Variants in VPS13B observed in about 807,000 individuals in gnomAD.
The protein encoded by VPS13B is vacuolar protein sorting 13 homolog B.
In VPS13B, 285 loss-of-function variants were observed where a neutral mutation model predicts 426.4. That is an observed-to-expected ratio of 0.67 (90% CI 0.61 to 0.74). The LOEUF is 0.74. Ranked by LOEUF, VPS13B falls within the 30% of genes least tolerant of loss-of-function variation. VPS13B has a pLI of 0.00. For synonymous variants in VPS13B, 1,676 were observed against 1,676.4 expected (o/e 1.00, Z 0.01); for missense variants, 4,537 against 4,782.6 (o/e 0.95, Z 1.51).
intron 34 of VPS13B, among the ~76,000 whole-genome samples, chr8:99,654,375 G>T (rs1389414669): frequency 3.3e-5 from 5 of 152,134 alleles, no homozygotes; most frequent in Non-Finnish European, 5.9e-5. Flanking sequence ...ATGTTTAATG[G>T]ATCTAGATTC....
chr8:99,861,652 C>T (rs1461016442), intron 57 of VPS13B, 124 bp from the exon 58 acceptor site: 28 of 1,283,886 alleles, frequency 2.2e-5, no homozygotes, highest in Non-Finnish European at 2.4e-5. Context: ...GAGGGAGCCA[C>T]CATCACTTGC....
rs1824813399 is a variant in VPS13B, at chr8:99,559,963, TGGG to T, written c.4949+3312_4949+3314del. ...GTGAAGAAAGTCATTGGTAGCTTGA[TGGG>T]GATGGCATTGAATCTATAAATTACC... On this transcript the variant is annotated intron_variant, in intron 31 of 61. Transcript: ENST00000357162. Among the ~76,000 whole-genome samples, 4 of 152,320 alleles carry T rather than the reference TGGG, an allele frequency of 2.6e-5. No homozygotes were observed. The South Asian group carries it at 8.3e-4, about 32-fold the overall frequency.
At chr8:99,673,624 A>G (rs1487030115) in intron 35 of VPS13B, among the ~76,000 whole-genome samples, 3 of 150,668 alleles carry the variant, frequency 2.0e-5, no homozygotes, top group South Asian at 2.1e-4. Context: ...TCTTTATTTT[A>G]TTTCCCTCCT....
At chr8:99,686,051 G>A (rs1257898013) in intron 35 of VPS13B, among the ~76,000 whole-genome samples, 1 of 152,166 alleles carries the variant, frequency 6.6e-6, no homozygotes, top group Non-Finnish European at 1.5e-5. Flanking sequence ...TTTGGTCACT[G>A]CAGCCATATC....
rs1039207228 is a variant in VPS13B at position 99,490,518 on chromosome 8, A to G, written c.3870+8716A>G. Among the ~76,000 whole-genome samples, 2 of 152,128 alleles carry G rather than the reference A, an allele frequency of 1.3e-5. 1 individual carries two copies. The highest frequency in any genetic ancestry group is 4.1e-4 in the South Asian group (2 of 4,824). ...TACCTCTGGTAGAATTCGGCTGTGTATCCATCTGGTCCTGGACTTTTTTTG... is the reference window on the plus strand; with the variant it reads ...TACCTCTGGTAGAATTCGGCTGTGTGTCCATCTGGTCCTGGACTTTTTTTG... On this transcript the variant is annotated intron_variant, in intron 25 of 61. Transcript: ENST00000357162.
chr8:99,665,013 A>G (rs536364438), intron 35 of VPS13B, among the ~76,000 whole-genome samples: 1 of 152,230 alleles, frequency 6.6e-6, no homozygotes, highest in South Asian at 2.1e-4. Context: ...CACCATTCTA[A>G]CTGGTGTGGG....
chr8:99,253,453 G>A (rs935927308), intron 17 of VPS13B, among the ~76,000 whole-genome samples: 2 of 152,130 alleles, frequency 1.3e-5, no homozygotes, highest in African/African-American at 2.4e-5. Flanking sequence ...AGCAATGTAT[G>A]AGGGTTTCAA....
At chr8:99,342,146 T>C (rs1462383491) in intron 19 of VPS13B, among the ~76,000 whole-genome samples, 47 of 152,236 alleles carry the variant, frequency 3.1e-4, no homozygotes, top group Admixed American at 3.1e-3. Flanking sequence ...TATACATATA[T>C]GGGGTATAGC....
chr8:99,121,846 CTTTTTT>C (rs34151287), intron 8 of VPS13B: 6 of 112,318 alleles, frequency 5.3e-5, no homozygotes, highest in Non-Finnish European at 1.0e-4. Flanking sequence ...CTCTCTCTCT[CTTTTTT>C]TTTTTTTTTT....
At chr8:99,639,377 C>T (rs934128239) in intron 33 of VPS13B, among the ~76,000 whole-genome samples, 2 of 152,026 alleles carry the variant, frequency 1.3e-5, no homozygotes, top group Non-Finnish European at 1.5e-5. Flanking sequence ...AAATGTTCAT[C>T]GGCTACAGCA....
At chr8:99,177,627 T>G (rs570164127) in intron 16 of VPS13B, among the ~76,000 whole-genome samples, 8 of 152,332 alleles carry the variant, frequency 5.3e-5, no homozygotes, top group African/African-American at 1.7e-4. Flanking sequence ...AATTTGATAT[T>G]TTCCACATGG....
intron 31 of VPS13B, among the ~76,000 whole-genome samples, chr8:99,564,944 A>G (rs997479882): frequency 6.6e-6 from 1 of 152,130 alleles, no homozygotes; most frequent in African/African-American, 2.4e-5. Context: ...TCTTAGCAAC[A>G]TTTTTGCTAC....
At position 99,147,936 on chromosome 8, in the gene VPS13B, A is replaced by G; in HGVS notation, c.1939A>G (p.Lys647Glu). 1 of 1,613,914 alleles carries G rather than the reference A, an allele frequency of 6.2e-7. No homozygotes were observed. Among genetic ancestry groups the G allele is most frequent in the Non-Finnish European group, 8.5e-7 (1 of 1,179,890 alleles). The change falls in exon 14 of 62, where the codon AAA (lysine) becomes GAA (glutamate). Residue 647 changes from lysine to glutamate, a missense_variant. By Grantham distance (56) the Lys-to-Glu change is moderately conservative. Around this residue, in one of 2 missense-constraint regions of VPS13B, gnomAD observed 4,311 missense variants for 4,474.3 expected, o/e 0.96. Coordinates refer to ENST00000357162, the MANE Select transcript of VPS13B (RefSeq NM_152564.5). ...PTRHTSVTLL[K>E]CTCTISMAEF... ...TCGACATACAAGTGTTACTCTCCTC[A>G]AATGTACCTGCACAATTTCCATGGC...
chr8:99,761,012 C>G (rs1810901824), intron 39 of VPS13B, among the ~76,000 whole-genome samples: 1 of 152,096 alleles, frequency 6.6e-6, no homozygotes, highest in Admixed American at 6.6e-5. Flanking sequence ...CCAGAACCAA[C>G]CCCTCATGGA....
chr8:99,688,427 A>G (rs551522643), intron 35 of VPS13B, among the ~76,000 whole-genome samples: 2 of 152,178 alleles, frequency 1.3e-5, no homozygotes, highest in South Asian at 2.1e-4. Context: ...TTTTGGAACT[A>G]AAATTGACAG....
intron 33 of VPS13B, among the ~76,000 whole-genome samples, chr8:99,630,683 A>G (rs1013509084): frequency 1.3e-4 from 14 of 111,756 alleles, no homozygotes; most frequent in Non-Finnish European, 2.3e-4. Flanking sequence ...AATGTAGGGG[A>G]AAAAAAACCC....
chr8:99,821,247 A>T (rs770989808), intron 49 of VPS13B, 47 bp from the exon 50 acceptor site: 1 of 1,601,374 alleles, frequency 6.2e-7, no homozygotes, highest in Admixed American at 1.7e-5. Context: ...AGTAAAAAAT[A>T]TCAAAGGTAA....
chr8:99,083,383 A>C (rs1438883902), intron 3 of VPS13B, among the ~76,000 whole-genome samples: 4 of 152,176 alleles, frequency 2.6e-5, no homozygotes, highest in South Asian at 2.1e-4. Context: ...TTCTAGATAT[A>C]CAATCATGTC....
At chr8:99,339,377 G>GGT (rs1259206863) in intron 19 of VPS13B, among the ~76,000 whole-genome samples, 1 of 152,048 alleles carries the variant, frequency 6.6e-6, no homozygotes, top group African/African-American at 2.4e-5. Context: ...GGAAGGTGGA[G>GGT]GTGGAGTAGG....
Sources: allele counts gnomAD v4.1 joint callset (sites outside exome capture counted in the v4.1 genomes callset), GRCh38; gene constraint gnomAD v4.1.1; regional missense constraint gnomAD v4.1.1; transcripts MANE v1.5; gene names NCBI Gene and HGNC (gene_info 2026-07-23, HGNC 2026-07-21).